The following GPC5 variants were observed in gnomAD, a reference collection of about 807,000 sequenced individuals.
GPC5 encodes the protein glypican-5.
A neutral mutation model predicts 53.9 loss-of-function variants in GPC5; 47 were observed. That is an observed-to-expected ratio of 0.87 (90% CI 0.69 to 1.11). GPC5 has a LOEUF of 1.11. Ranked by LOEUF, GPC5 falls within the 50% of genes most tolerant of loss-of-function variation. GPC5 has a pLI of 0.00. For missense variants in GPC5, 748 were observed against 713.1 expected (o/e 1.05, Z -0.56); for synonymous variants, 286 against 263.3 (o/e 1.09, Z -0.84).
At chr13:91,436,771 A>C (rs1464197599) in intron 1 of GPC5, among the ~76,000 whole-genome samples, 1 of 152,114 alleles carries the variant, frequency 6.6e-6, no homozygotes, top group African/African-American at 2.4e-5. Context: ...TGATCTGTCT[A>C]ATGTTGACAG....
chr13:92,696,525 C>T (rs1887562497), intron 7 of GPC5, among the ~76,000 whole-genome samples: 1 of 152,128 alleles, frequency 6.6e-6, no homozygotes, highest in Non-Finnish European at 1.5e-5. Flanking sequence ...ATAGCCTTCG[C>T]CCACTTTTTG....
chr13:92,378,679 T>C (rs984734601), intron 7 of GPC5, among the ~76,000 whole-genome samples: 3 of 152,218 alleles, frequency 2.0e-5, no homozygotes, highest in South Asian at 4.1e-4. Flanking sequence ...TTTAATGATA[T>C]ATGAAATGGA....
chr13:92,314,861 AC>A (rs1289157335), intron 7 of GPC5, among the ~76,000 whole-genome samples: 1 of 151,498 alleles, frequency 6.6e-6, no homozygotes, highest in African/African-American at 2.4e-5. Flanking sequence ...CAGCCTCAAC[AC>A]CCCCCATGCT....
chr13:91,764,206 C>T (rs746345244), intron 5 of GPC5, among the ~76,000 whole-genome samples: 14 of 152,164 alleles, frequency 9.2e-5, no homozygotes, highest in African/African-American at 1.9e-4. Context: ...TTCCTAACTA[C>T]GGTTAAAGCT....
At chr13:92,382,871 C>T (rs1332516686) in intron 7 of GPC5, among the ~76,000 whole-genome samples, 4 of 151,814 alleles carry the variant, frequency 2.6e-5, no homozygotes, top group Non-Finnish European at 4.4e-5. Flanking sequence ...GGCGCGGTGG[C>T]GGGTGCCTGT....
At chr13:91,765,591 T>A (rs1418903941) in intron 5 of GPC5, among the ~76,000 whole-genome samples, 1 of 152,228 alleles carries the variant, frequency 6.6e-6, no homozygotes, top group Non-Finnish European at 1.5e-5. Flanking sequence ...ATATGAGATA[T>A]TTTCCCAATC....
At chr13:92,654,305 C>T (rs1886056622) in intron 7 of GPC5, among the ~76,000 whole-genome samples, 1 of 152,116 alleles carries the variant, frequency 6.6e-6, no homozygotes, top group Non-Finnish European at 1.5e-5. Context: ...CTCAATATTT[C>T]CATTTCCTTT....
rs1351396606 is a variant in GPC5 at position 91,955,535 on chromosome 13, G to GC, written c.1401+47480dup. Among the ~76,000 whole-genome samples, 7 of 152,300 alleles carry GC rather than the reference G, an allele frequency of 4.6e-5. No individual in the cohort carries two copies. In the East Asian group the frequency reaches 1.4e-3, roughly 29 times the overall value. ...AGAGGGAAGCAAGGCAGCCTGGTTAGCCACCTGGGATTTGTTGGGAGCCCA... is the reference window on the plus strand; with the variant it reads ...AGAGGGAAGCAAGGCAGCCTGGTTAGCCCACCTGGGATTTGTTGGGAGCCCA... On this transcript the variant is annotated intron_variant, in intron 6 of 7. Coordinates refer to ENST00000377067, the MANE Select transcript of GPC5 (RefSeq NM_004466.6).
At chr13:91,746,507 G>A (rs1335667832) in intron 4 of GPC5, among the ~76,000 whole-genome samples, 1 of 152,184 alleles carries the variant, frequency 6.6e-6, no homozygotes, top group Non-Finnish European at 1.5e-5. Flanking sequence ...TGGAAAAAAA[G>A]AGGGGTGCAA....
intron 3 of GPC5, among the ~76,000 whole-genome samples, chr13:91,727,318 A>C (rs1208057526): frequency 6.6e-6 from 1 of 152,138 alleles, no homozygotes; most frequent in Non-Finnish European, 1.5e-5. Flanking sequence ...CTTTGCTGAT[A>C]TCCTTCTTCA....
At chr13:91,939,685 G>A (rs2039906838) in intron 6 of GPC5, among the ~76,000 whole-genome samples, 1 of 152,140 alleles carries the variant, frequency 6.6e-6, no homozygotes, top group East Asian at 1.9e-4. Flanking sequence ...TTGACAGTAA[G>A]TGAAGTTGGA....
intron 6 of GPC5, among the ~76,000 whole-genome samples, chr13:91,911,506 G>T (rs2039610357): frequency 6.6e-6 from 1 of 152,102 alleles, no homozygotes; most frequent in Admixed American, 6.6e-5. Flanking sequence ...TGGCACCACT[G>T]CACTCCTGCC....
rs533625487 is a variant in GPC5 at position 92,162,051 on chromosome 13, T to C, written c.1561+17062T>C. ...TTTGCAAAATAGTATGGATTTTGTA[T>C]CATAAGATTTTTTGTCATAATTATT... On this transcript the variant is annotated intron_variant, in intron 7 of 7. Transcript: ENST00000377067. Among the ~76,000 whole-genome samples, 4 of 138,052 alleles carry C rather than the reference T, an allele frequency of 2.9e-5. No homozygotes were observed. In the East Asian group the frequency reaches 8.2e-4, roughly 28 times the overall value. 90.6% of individuals were successfully genotyped at this position (138,052 alleles called of 152,430 possible).
chr13:92,468,189 GA>G (rs1878774559), intron 7 of GPC5, among the ~76,000 whole-genome samples: 1 of 152,060 alleles, frequency 6.6e-6, no homozygotes, highest in Non-Finnish European at 1.5e-5. Flanking sequence ...ATGGATTTAA[GA>G]ATTCATCAGA....
chr13:91,471,016 A>C (rs1403874724), intron 2 of GPC5, among the ~76,000 whole-genome samples: 1 of 152,138 alleles, frequency 6.6e-6, no homozygotes, highest in East Asian at 1.9e-4. Flanking sequence ...CGAAGACCTT[A>C]TGTTAAAAAA....
intron 7 of GPC5, among the ~76,000 whole-genome samples, chr13:92,834,555 C>CA (rs1878160482): frequency 6.6e-6 from 1 of 152,020 alleles, no homozygotes; most frequent in African/African-American, 2.4e-5. Flanking sequence ...ATAAATGCTT[C>CA]AAAAAATCAA....
At chr13:91,718,267 C>T (rs1352238277) in intron 3 of GPC5, among the ~76,000 whole-genome samples, 1 of 152,036 alleles carries the variant, frequency 6.6e-6, no homozygotes, top group Admixed American at 6.5e-5. Context: ...TCTGCCACCA[C>T]GCGTGGCTAA....
At chr13:91,542,998 A>T (rs2030047794) in intron 2 of GPC5, among the ~76,000 whole-genome samples, 1 of 151,846 alleles carries the variant, frequency 6.6e-6, no homozygotes, top group South Asian at 2.1e-4. Flanking sequence ...GTGGGACTAC[A>T]GGCGCCCACC....
chr13:91,655,266 A>G (rs2034817852), intron 2 of GPC5, among the ~76,000 whole-genome samples: 1 of 152,040 alleles, frequency 6.6e-6, no homozygotes, highest in Admixed American at 6.6e-5. Flanking sequence ...GTATGCTAGG[A>G]CAATTCTTAG....
Sources: gnomAD v4.1 joint callset for allele counts (sites outside exome capture counted in the v4.1 genomes callset) on GRCh38, gnomAD v4.1.1 for gene constraint, MANE v1.5 for transcripts, NCBI Gene and HGNC (gene_info 2026-07-23, HGNC 2026-07-21) for gene names.